Variants in ZNF385D observed in about 807,000 individuals in gnomAD.
ZNF385D encodes the protein zinc finger protein 385D.
ZNF385D carries 15 observed loss-of-function variants against 35.8 expected under a neutral mutation model. That is an observed-to-expected ratio of 0.42 (90% CI 0.28 to 0.64). ZNF385D has a LOEUF of 0.64. ZNF385D is among the 30% of genes least tolerant of loss of function. ZNF385D has a pLI of 0.23. For synonymous variants in ZNF385D, 212 were observed against 186.8 expected (o/e 1.13, Z -1.10); for missense variants, 474 against 494.6 (o/e 0.96, Z 0.39).
chr3:22,144,457 C>G (rs1243971574), intron 3 of ZNF385D, among the ~76,000 whole-genome samples: 2 of 150,628 alleles, frequency 1.3e-5, no homozygotes, highest in African/African-American at 2.4e-5. Context: ...TGCATGCCTT[C>G]GAGCTACTGC....
At chr3:21,893,099 C>CT (rs1559729889) in intron 3 of ZNF385D, among the ~76,000 whole-genome samples, 1 of 152,218 alleles carries the variant, frequency 6.6e-6, no homozygotes, top group East Asian at 1.9e-4. Flanking sequence ...ACACTCCCTG[C>CT]ATGATATCAA....
intron 1 of ZNF385D, among the ~76,000 whole-genome samples, chr3:21,717,495 T>G (rs985509098): frequency 6.6e-6 from 1 of 152,184 alleles, no homozygotes; most frequent in Non-Finnish European, 1.5e-5. Flanking sequence ...CTTGCCAAAA[T>G]ACAAAGCCTC....
chr3:21,627,969 C>T (rs1162991057), intron 2 of ZNF385D, among the ~76,000 whole-genome samples: 1 of 152,116 alleles, frequency 6.6e-6, no homozygotes, highest in African/African-American at 2.4e-5. Flanking sequence ...TAAAAAATGT[C>T]AAGTGCCTTC....
intron 4 of ZNF385D, among the ~76,000 whole-genome samples, chr3:21,437,972 G>A (rs1390864074): frequency 1.3e-5 from 2 of 152,078 alleles, no homozygotes; most frequent in Non-Finnish European, 2.9e-5. Flanking sequence ...CCATGCTGTT[G>A]TCACATTGTT....
intron 1 of ZNF385D, among the ~76,000 whole-genome samples, chr3:21,694,587 C>T (rs563388887): frequency 6.6e-6 from 1 of 152,062 alleles, no homozygotes; most frequent in African/African-American, 2.4e-5. Context: ...AAAGACAATT[C>T]GGAAAACAAA....
At chr3:21,482,576 C>T (rs1704709360) in intron 4 of ZNF385D, among the ~76,000 whole-genome samples, 1 of 152,170 alleles carries the variant, frequency 6.6e-6, no homozygotes, top group Admixed American at 6.5e-5. Flanking sequence ...CCCTCTTAGG[C>T]AAAGCTGAAC....
chr3:21,877,972 T>C (rs1198731454), intron 3 of ZNF385D: 2 of 152,070 alleles, frequency 1.3e-5, no homozygotes, highest in African/African-American at 4.8e-5. Context: ...CATGATAAAA[T>C]GATAAACAAC....
At chr3:22,215,532 A>G (rs992417704) in intron 2 of ZNF385D, among the ~76,000 whole-genome samples, 1 of 151,990 alleles carries the variant, frequency 6.6e-6, no homozygotes, top group African/African-American at 2.4e-5. Context: ...TTATTAGGAC[A>G]AGGAAATTCC....
chr3:21,591,544 G>C (rs1464555905), intron 2 of ZNF385D, among the ~76,000 whole-genome samples: 1 of 151,998 alleles, frequency 6.6e-6, no homozygotes, highest in Non-Finnish European at 1.5e-5. Flanking sequence ...CAATATTTTA[G>C]TCCAATATGA....
At chr3:21,858,778 C>A (rs1422662991) in intron 3 of ZNF385D, among the ~76,000 whole-genome samples, 1 of 152,058 alleles carries the variant, frequency 6.6e-6, no homozygotes, top group African/African-American at 2.4e-5. Flanking sequence ...TTTTATAGTT[C>A]TACATAAGTT....
rs564714479 is a variant in ZNF385D, at chr3:21,592,568, A to C, written c.166-27884T>G. ...CAAAAAAAAAAAACCAAAAACAAAA[A>C]AAAAAAACAATTATTGCATTATGTG... is the stretch of plus-strand genomic sequence containing the variant. On this transcript the variant is annotated intron_variant, in intron 2 of 7. Coordinates refer to ENST00000281523, the MANE Select transcript of ZNF385D (RefSeq NM_024697.3). Among the ~76,000 whole-genome samples the C allele has an allele frequency of 1.1e-3, 153 of 141,676 alleles. 3 individuals are homozygous for C. The highest frequency in any genetic ancestry group is 3.8e-3 in the African/African-American group (146 of 38,746). 92.9% of individuals were successfully genotyped at this position (141,676 alleles called of 152,430 possible).
intron 2 of ZNF385D, among the ~76,000 whole-genome samples, chr3:22,314,409 A>G (rs899262505): frequency 6.6e-6 from 1 of 152,270 alleles, no homozygotes; most frequent in East Asian, 1.9e-4. Flanking sequence ...CATTTAGAAT[A>G]ATAGTCTCCA....
At chr3:21,794,145 G>A (rs893337057) in intron 3 of ZNF385D, among the ~76,000 whole-genome samples, 26 of 152,194 alleles carry the variant, frequency 1.7e-4, no homozygotes, top group African/African-American at 4.8e-4. Flanking sequence ...ATTTCTTTTC[G>A]TGACCAAGGA....
intron 4 of ZNF385D, among the ~76,000 whole-genome samples, chr3:21,443,704 G>A (rs1701980715): frequency 6.6e-6 from 1 of 152,182 alleles, no homozygotes; most frequent in Non-Finnish European, 1.5e-5. Context: ...CAAGTGACAA[G>A]TTGTTCCCCA....
intron 3 of ZNF385D, among the ~76,000 whole-genome samples, chr3:22,152,712 C>T (rs1705317984): frequency 6.6e-6 from 1 of 152,116 alleles, no homozygotes; most frequent in Non-Finnish European, 1.5e-5. Flanking sequence ...GCAGGATAAC[C>T]TCTTCATCTC....
intron 3 of ZNF385D, among the ~76,000 whole-genome samples, chr3:21,996,670 A>AT (rs5847154): frequency 3.3e-5 from 5 of 152,162 alleles, no homozygotes; most frequent in African/African-American, 7.2e-5. Flanking sequence ...ACTTACATAC[A>AT]TTTTTTTAAA....
chr3:21,443,169 G>A, intron 4 of ZNF385D: 1 of 985,280 alleles, frequency 1.0e-6, no homozygotes, highest in Non-Finnish European at 1.2e-6. Flanking sequence ...CACTTTGCAG[G>A]GTACCTGATT....
intron 3 of ZNF385D, among the ~76,000 whole-genome samples, chr3:21,869,686 C>T (rs1575809488): frequency 1.3e-5 from 2 of 152,146 alleles, no homozygotes; most frequent in South Asian, 4.1e-4. Context: ...TTTACTGCAA[C>T]ATAAGATGAA....
At chr3:22,173,689 C>T (rs1694622270) in intron 2 of ZNF385D, among the ~76,000 whole-genome samples, 1 of 152,094 alleles carries the variant, frequency 6.6e-6, no homozygotes, top group South Asian at 2.1e-4. Context: ...TGCGGTCCAC[C>T]ATCGGATGGC....
Sources: gnomAD v4.1 joint callset for allele counts (sites outside exome capture counted in the v4.1 genomes callset) on GRCh38, gnomAD v4.1.1 for gene constraint, MANE v1.5 for transcripts, NCBI Gene and HGNC (gene_info 2026-07-23, HGNC 2026-07-21) for gene names.